KLHL31: variants seen among roughly 807,000 people sequenced by gnomAD.
KLHL31 encodes the protein kelch-like protein 31.
KLHL31 carries 32 observed loss-of-function variants against 47.1 expected under a neutral mutation model. That is an observed-to-expected ratio of 0.68 (90% CI 0.51 to 0.91). The LOEUF is 0.91. KLHL31 is among the 40% of genes least tolerant of loss of function. The probability of loss-of-function intolerance (pLI) is 0.00; values close to 1 mark genes in which losing one functional copy is unlikely to be tolerated. For missense variants in KLHL31, 797 were observed against 819.3 expected, an observed-to-expected ratio of 0.97 and a Z score of 0.33; for synonymous variants, 330 against 325.1, an observed-to-expected ratio of 1.01 and a Z score of -0.16.
rs889200055 is a variant in KLHL31, at chr6:53,648,717, A to C, written c.*2881T>G. 6.6e-5 allele frequency: 10 copies of C among 152,190 alleles called. No individual in the cohort carries two copies. The highest frequency in any genetic ancestry group is 2.4e-4 in the African/African-American group (10 of 41,442). The allele number at this position is 152,190 out of a possible 1,614,324, so 9.4% of individuals were successfully genotyped here. A position where few individuals can be genotyped will look rare whatever the true frequency, so the allele number is the denominator to read the frequency against. On this transcript the variant is annotated 3_prime_UTR_variant, in exon 3 of 3. Transcript: ENST00000370905. The stretch of plus-strand genomic sequence containing the variant: ...ACCATTCTTACAACATAGGAAGTAA[A>C]AATAAAATTCATTCAATGCACTGAA...
At position 53,654,402 on chromosome 6, in the gene KLHL31, C is replaced by T. The variant is rs931242617; in HGVS notation, c.871G>A (p.Ala291Thr). Residue 291 changes from alanine to threonine, a missense_variant, in exon 2 of 3, where the codon GCT (alanine) becomes ACT (threonine). Coordinates refer to ENST00000370905, the MANE Select transcript of KLHL31 (RefSeq NM_001003760.5). ...TATGGAAGCAAGTGGTAGTTCATAG[C>T]ATCTACGAGAAGTCTGTGACAATCA... ...DADCHRLLVD[A>T]MNYHLLPYHQ... 6.2e-7 allele frequency: 1 copy of T among 1,614,208 alleles called. No individual in the cohort carries two copies. Among genetic ancestry groups the T allele is most frequent in the Non-Finnish European group, 8.5e-7 (1 of 1,180,024 alleles).
In KLHL31 at chr6:53,651,640, T is replaced by C. The variant is rs779614575; in HGVS notation, c.1863A>G (p.Glu621=). 1.2e-6 allele frequency: 2 copies of C among 1,614,110 alleles called. No individual in the cohort carries two copies. Among genetic ancestry groups the C allele is most frequent in the South Asian group, 1.1e-5 (1 of 91,084 alleles). Residue 621 remains glutamate, a synonymous_variant, in exon 3 of 3, where the codon GAA becomes GAG. Coordinates refer to ENST00000370905, the MANE Select transcript of KLHL31 (RefSeq NM_001003760.5). The part of the protein sequence containing the change: ...TLSMPNNVTR[E]SRASSVSSVP... ...CAGAAGATACCGAACTGGCCCGGGATTCCCGAGTCACGTTGTTGGGCATCG... is the reference window on the plus strand; with the variant it reads ...CAGAAGATACCGAACTGGCCCGGGACTCCCGAGTCACGTTGTTGGGCATCG...
intron 2 of KLHL31, among the ~76,000 whole-genome samples, chr6:53,653,641 C>G (rs34997452): frequency 6.6e-6 from 1 of 152,118 alleles, no homozygotes; most frequent in African/African-American, 2.4e-5. Flanking sequence ...ATTCTATTTG[C>G]CAATTATGAA....
At chr6:53,656,476 A>G (rs1263827170) in intron 1 of KLHL31, among the ~76,000 whole-genome samples, 3 of 152,178 alleles carry the variant, frequency 2.0e-5, no homozygotes, top group Non-Finnish European at 4.4e-5. Context: ...AATAAAGGGT[A>G]GAAACCCATA....
intron 1 of KLHL31, among the ~76,000 whole-genome samples, chr6:53,664,786 G>A (rs945500174): frequency 6.6e-6 from 1 of 152,244 alleles, no homozygotes; most frequent in East Asian, 1.9e-4. Context: ...CCAAAGGGGC[G>A]AATCAGCTGC....
chr6:53,650,191 TA>T lies in KLHL31; in HGVS notation c.*1406del, dbSNP rs372473931. On this transcript the variant is annotated 3_prime_UTR_variant, in exon 3 of 3. Transcript: ENST00000370905. ...TTATTTTTCAAAATCCAATTGCACA[TA>T]ACCCATAATTGATAGGCCACTTCCT... 1 of 152,322 alleles carries T rather than the reference TA, an allele frequency of 6.6e-6. No homozygotes were observed. The highest frequency in any genetic ancestry group is 2.4e-5 in the African/African-American group (1 of 41,576). The allele number at this position is 152,322 out of a possible 1,614,324, so 9.4% of individuals were successfully genotyped here.
rs746178786 is a variant in KLHL31, at chr6:53,652,274, G to T, written c.1229C>A (p.Thr410Lys). The T allele has an allele frequency of 6.2e-7, 1 of 1,614,178 alleles. No individual in the cohort carries two copies. Among genetic ancestry groups the T allele is most frequent in the South Asian group, 1.1e-5 (1 of 91,090 alleles). ...GTTGAACACGCTCAGGCTGAAGTGCGTGCGCTTCTGGTTCATGCTGGCCAG... is the reference window on the plus strand; with the variant it reads ...GTTGAACACGCTCAGGCTGAAGTGCTTGCGCTTCTGGTTCATGCTGGCCAG... Reference protein sequence around the residue: ...IHLASMNQKRTHFSLSVFNGL... With the variant: ...IHLASMNQKRKHFSLSVFNGL... Residue 410 changes from threonine to lysine, a missense_variant, in exon 3 of 3, where the codon ACG becomes AAG. Physicochemically the swap from Thr to Lys is moderately conservative, Grantham distance 78. Coordinates refer to ENST00000370905, the MANE Select transcript of KLHL31 (RefSeq NM_001003760.5).
chr6:53,649,699 A>T lies in KLHL31; in HGVS notation c.*1899T>A, dbSNP rs1364962927. The T allele has an allele frequency of 6.6e-6, 1 of 152,096 alleles. No homozygotes were observed. The highest frequency in any genetic ancestry group is 1.5e-5 in the Non-Finnish European group (1 of 67,986). The allele number at this position is 152,096 out of a possible 1,614,324, so 9.4% of individuals were successfully genotyped here. On this transcript the variant is annotated 3_prime_UTR_variant, in exon 3 of 3. Transcript: ENST00000370905. Reference sequence around the variant, plus strand: ...GTGCATCAAGGAATTACATCTATTCACTCACTTATGATCTGTAACCCACAA... The same window carrying T: ...GTGCATCAAGGAATTACATCTATTCTCTCACTTATGATCTGTAACCCACAA...
chr6:53,655,284 C>A lies in KLHL31; in HGVS notation c.-12G>T. ...TTTTTGGGTGCCATGTTGGCAAATA[C>A]ACTGTTACAGGCAAGAGCTTGCTAA... On this transcript the variant is annotated 5_prime_UTR_variant, in exon 2 of 3. Coordinates refer to ENST00000370905, the MANE Select transcript of KLHL31 (RefSeq NM_001003760.5). 1 of 1,523,350 alleles carries A rather than the reference C, an allele frequency of 6.6e-7. No individual in the cohort carries two copies. The highest frequency in any genetic ancestry group is 8.8e-7 in the Non-Finnish European group (1 of 1,134,274). The allele number at this position is 1,523,350 out of a possible 1,614,324, so 94.4% of individuals were successfully genotyped here. A position where few individuals can be genotyped will look rare whatever the true frequency, so the allele number is the denominator to read the frequency against.
chr6:53,651,778 C>T lies in KLHL31; in HGVS notation c.1725G>A (p.Glu575=). ...TGCACTTCTTGTACTTCTTCTCGCCCTCGTTCCAGCCCCCCACCAGGTAGG... is the reference window on the plus strand; with the variant it reads ...TGCACTTCTTGTACTTCTTCTCGCCTTCGTTCCAGCCCCCCACCAGGTAGG... ...GRAYLVGGWN[E]GEKKYKKCIQ... Residue 575 remains glutamate (E), a synonymous_variant, in exon 3 of 3, where the codon GAG becomes GAA. Coordinates refer to ENST00000370905, the MANE Select transcript of KLHL31 (RefSeq NM_001003760.5). 6.2e-7 allele frequency: 1 copy of T among 1,613,898 alleles called. No homozygotes were observed. Among genetic ancestry groups the T allele is most frequent in the Non-Finnish European group, 8.5e-7 (1 of 1,180,040 alleles).
At position 53,650,850 on chromosome 6, in the gene KLHL31, T is replaced by G. The variant is rs933048806; in HGVS notation, c.*748A>C. 1 of 152,212 alleles carries G rather than the reference T, an allele frequency of 6.6e-6. No individual in the cohort carries two copies. Among genetic ancestry groups the G allele is most frequent in the African/African-American group, 2.4e-5 (1 of 41,446 alleles). The allele number at this position is 152,212 out of a possible 1,614,324, so 9.4% of individuals were successfully genotyped here. ...AAATGACTTAAATTTATGCTATAAA[T>G]TAAATGATTCATATCAATTACTTCA... On this transcript the variant is annotated 3_prime_UTR_variant, in exon 3 of 3. Transcript: ENST00000370905.
chr6:53,655,114 A>T lies in KLHL31; in HGVS notation c.159T>A (p.Ala53=). 1 of 1,614,202 alleles carries T rather than the reference A, an allele frequency of 6.2e-7. No individual in the cohort carries two copies. The highest frequency in any genetic ancestry group is 1.1e-5 in the South Asian group (1 of 91,074). The change falls in exon 2 of 3, where the codon GCT becomes GCA. Residue 53 remains alanine, a synonymous_variant. Transcript: ENST00000370905. ...LSCISSELTD[A]SYGPNLLEGL... is the part of the protein sequence containing the mutation. ...CTTCCAAGAGGTTGGGGCCATAAGA[A>T]GCATCTGTTAGTTCAGAAGAAATGC...
intron 1 of KLHL31, among the ~76,000 whole-genome samples, chr6:53,661,245 C>T (rs982432546): frequency 6.6e-6 from 1 of 152,184 alleles, no homozygotes; most frequent in African/African-American, 2.4e-5. Flanking sequence ...GCTCCAGGCC[C>T]TGTTACAGAA....
chr6:53,659,385 A>G (rs1438473853), intron 1 of KLHL31, among the ~76,000 whole-genome samples: 3 of 152,256 alleles, frequency 2.0e-5, no homozygotes, highest in African/African-American at 4.8e-5. Context: ...GCTAACCCCG[A>G]AAGTTCAGAA....
chr6:53,655,010 T>A lies in KLHL31; in HGVS notation c.263A>T (p.Lys88Met), dbSNP rs767797500. The change falls in exon 2 of 3, where the codon AAG (lysine) becomes ATG (methionine). Residue 88 changes from lysine (K) to methionine (M), a missense_variant. Physicochemically the swap from Lys to Met is moderately conservative, Grantham distance 95 (BLOSUM62 -1). Transcript: ENST00000370905. ...GTKTKSFDVH[K>M]SVMASCSEYF... The stretch of plus-strand genomic sequence containing the variant: ...CTCACTGCATGAAGCCATGACTGAC[T>A]TATGAACATCAAAGGATTTGGTTTT... The A allele has an allele frequency of 2.5e-6, 4 of 1,614,062 alleles. No individual in the cohort carries two copies. The East Asian group carries it at 8.9e-5, about 36-fold the overall frequency.
intron 1 of KLHL31, among the ~76,000 whole-genome samples, chr6:53,660,061 C>T (rs1764623539): frequency 6.6e-6 from 1 of 152,194 alleles, no homozygotes; most frequent in South Asian, 2.1e-4. Flanking sequence ...GCTAGTCTGA[C>T]AAATGAATCC....
rs1313528759 is a variant in KLHL31, at chr6:53,651,593, TG to T, written c.*4del. 1 of 1,605,722 alleles carries T rather than the reference TG, an allele frequency of 6.2e-7. No individual in the cohort carries two copies. The highest frequency in any genetic ancestry group is 8.5e-7 in the Non-Finnish European group (1 of 1,173,432). ...TTCTTCCTGCGTCCCTGCATCTACC[TG>T]GGCTCAGATACTGACTGGCACAGAA... is the stretch of plus-strand genomic sequence containing the variant. On this transcript the variant is annotated 3_prime_UTR_variant, in exon 3 of 3. Coordinates refer to ENST00000370905, the MANE Select transcript of KLHL31 (RefSeq NM_001003760.5).
chr6:53,655,292 C>A lies in KLHL31; in HGVS notation c.-20G>T. ...TGCCATGTTGGCAAATACACTGTTA[C>A]AGGCAAGAGCTTGCTAAAAAGAGAA... On this transcript the variant is annotated 5_prime_UTR_variant, in exon 2 of 3. Transcript: ENST00000370905. The A allele has an allele frequency of 1.4e-6, 2 of 1,450,722 alleles. No homozygotes were observed. The allele number at this position is 1,450,722 out of a possible 1,614,324, so 89.9% of individuals were successfully genotyped here.
rs1764487391 is a variant in KLHL31, at chr6:53,652,257, C to T, written c.1246G>A (p.Val416Met). 8.1e-6 allele frequency: 13 copies of T among 1,614,030 alleles called. No individual in the cohort carries two copies. The highest frequency in any genetic ancestry group is 3.3e-4 in the Middle Eastern group (2 of 6,084). Residue 416 changes from valine to methionine, a missense_variant, in exon 3 of 3, where the codon GTG becomes ATG. Coordinates refer to ENST00000370905, the MANE Select transcript of KLHL31 (RefSeq NM_001003760.5). ...NQKRTHFSLS[V>M]FNGLVYAAGG... ...GCGGCGTACACGAGCCCGTTGAACA[C>T]GCTCAGGCTGAAGTGCGTGCGCTTC...
Sources: gnomAD v4.1 joint callset for allele counts (sites outside exome capture counted in the v4.1 genomes callset) on GRCh38, gnomAD v4.1.1 for gene constraint, MANE v1.5 for transcripts, NCBI Gene and HGNC (gene_info 2026-07-23, HGNC 2026-07-21) for gene names.